The following NAALAD2 variants were observed in gnomAD, a reference collection of about 807,000 sequenced individuals.
The protein encoded by NAALAD2 is N-acetylated alpha-linked acidic dipeptidase 2.
NAALAD2 carries 89 observed loss-of-function variants against 95.6 expected under a neutral mutation model. The ratio of observed to expected loss-of-function variants is 0.93; its 90% CI spans 0.78 to 1.11. NAALAD2 has a LOEUF of 1.11. Ranked by LOEUF, NAALAD2 falls within the 50% of genes least tolerant of loss-of-function variation. NAALAD2 has a pLI of 0.00. For synonymous variants in NAALAD2, 264 were observed against 294.4 expected, an observed-to-expected ratio of 0.90 and a Z score of 1.06; for missense variants, 894 against 872.4, an observed-to-expected ratio of 1.02 and a Z score of -0.31.
intron 16 of NAALAD2, among the ~76,000 whole-genome samples, chr11:90,181,162 C>T (rs1014804729): frequency 6.6e-6 from 1 of 152,052 alleles, no homozygotes; most frequent in African/African-American, 2.4e-5. Flanking sequence ...TTCTCAGTAT[C>T]TGGTTATATC....
chr11:90,169,507 C>CA (rs540978451), intron 12 of NAALAD2: 2,918 of 109,922 alleles, frequency 0.027, 34 homozygotes, highest in African/African-American at 0.033. Context: ...CCCTGACTCT[C>CA]AAAAAAAAAA....
chr11:90,136,475 C>A (rs192436853), intron 2 of NAALAD2, among the ~76,000 whole-genome samples: 236 of 152,226 alleles, frequency 1.6e-3, no homozygotes, highest in Non-Finnish European at 2.2e-3. Context: ...CAATCACTAA[C>A]CAATTTTATA....
intron 7 of NAALAD2, 151 bp downstream of exon 7, chr11:90,158,389 T>C (rs796317839): frequency 3.6e-6 from 2 of 561,934 alleles, no homozygotes; most frequent in African/African-American, 3.9e-5. Context: ...ACTATCTTTT[T>C]ATTTCATAAA....
chr11:90,148,042 T>C (rs2134857026), intron 3 of NAALAD2, among the ~76,000 whole-genome samples: 1 of 152,294 alleles, frequency 6.6e-6, no homozygotes, highest in East Asian at 1.9e-4. Context: ...GTAAATATGT[T>C]CTGGGAACAG....
chr11:90,172,189 G>A (rs895321113), intron 13 of NAALAD2, among the ~76,000 whole-genome samples: 1 of 152,216 alleles, frequency 6.6e-6, no homozygotes, highest in Admixed American at 6.5e-5. Context: ...GCAGAGTAGA[G>A]AGTAGAACCC....
chr11:90,172,394 A>G (rs914480115), intron 13 of NAALAD2, among the ~76,000 whole-genome samples: 2 of 152,264 alleles, frequency 1.3e-5, no homozygotes, highest in East Asian at 3.9e-4. Context: ...TGGATTCACC[A>G]CTGTTACCTT....
In NAALAD2 at chr11:90,154,796, C is replaced by CAT. The variant is rs199841981; in HGVS notation, c.796+2323_796+2324dup. Among the ~76,000 whole-genome samples the CAT allele has an allele frequency of 1.4e-3, 210 of 145,604 alleles. 1 individual carries two copies. The highest frequency in any genetic ancestry group is 5.0e-3 in the African/African-American group (196 of 39,524). ...CTGTTTTTCACTACAAATTGAATTT[C>CAT]ATATATATATATGTAATATATGTAA... On this transcript the variant is annotated intron_variant, in intron 6 of 18. Transcript: ENST00000534061.
chr11:90,174,456 T>C (rs1952729562), intron 14 of NAALAD2, among the ~76,000 whole-genome samples: 1 of 152,192 alleles, frequency 6.6e-6, no homozygotes, highest in South Asian at 2.1e-4. Context: ...GCCAAAATAG[T>C]TTCGCTACAT....
At chr11:90,152,916 G>A (rs968535751) in intron 6 of NAALAD2, among the ~76,000 whole-genome samples, 2 of 151,958 alleles carry the variant, frequency 1.3e-5, no homozygotes, top group Non-Finnish European at 2.9e-5. Flanking sequence ...ACATAAAATT[G>A]GAAGTTTTAC....
chr11:90,167,200 G>A (rs554239122), intron 11 of NAALAD2, among the ~76,000 whole-genome samples: 3 of 152,280 alleles, frequency 2.0e-5, no homozygotes, highest in South Asian at 2.1e-4. Flanking sequence ...GGGAAGGAGC[G>A]GGCGGGAACC....
chr11:90,175,054 TGC>T (rs1420232254), intron 14 of NAALAD2, among the ~76,000 whole-genome samples: 31 of 152,320 alleles, frequency 2.0e-4, no homozygotes, highest in African/African-American at 7.5e-4. Flanking sequence ...GATATCTCAC[TGC>T]ATATATGTAA....
chr11:90,133,261 C>A (rs547745375), upstream of NAALAD2, among the ~76,000 whole-genome samples: 2 of 152,236 alleles, frequency 1.3e-5, 1 homozygote, highest in Admixed American at 1.3e-4. Context: ...TGGTTAGATA[C>A]GTGAAGCCAA....
intron 11 of NAALAD2, among the ~76,000 whole-genome samples, chr11:90,165,285 G>A (rs1458465191): frequency 6.6e-6 from 1 of 152,116 alleles, no homozygotes; most frequent in African/African-American, 2.4e-5. Context: ...GAACATATGT[G>A]TGTATGTGTC....
At chr11:90,189,624 C>T (rs1290006634) in intron 18 of NAALAD2, among the ~76,000 whole-genome samples, 3 of 151,984 alleles carry the variant, frequency 2.0e-5, no homozygotes, top group East Asian at 3.9e-4. Flanking sequence ...CAAAAATTAG[C>T]CAGGCGTGGT....
chr11:90,147,009 C>T (rs1414875124), intron 2 of NAALAD2, among the ~76,000 whole-genome samples: 1 of 151,968 alleles, frequency 6.6e-6, no homozygotes, highest in Non-Finnish European at 1.5e-5. Context: ...TGTTCTCTGA[C>T]AAACAGCAAA....
At chr11:90,169,072 C>A in intron 12 of NAALAD2, 80 bp downstream of exon 12, 1 of 940,790 alleles carries the variant, frequency 1.1e-6, no homozygotes, top group Non-Finnish European at 1.7e-6. Context: ...GAGTAGAATA[C>A]CATCTACTAA....
At chr11:90,179,001 T>C (rs991175792) in intron 16 of NAALAD2, among the ~76,000 whole-genome samples, 1 of 152,204 alleles carries the variant, frequency 6.6e-6, no homozygotes, top group Non-Finnish European at 1.5e-5. Flanking sequence ...GATACTAGCT[T>C]TACCAGTTCT....
At position 90,149,047 on chromosome 11, in the gene NAALAD2, T is replaced by C. The variant is rs758480367; in HGVS notation, c.423T>C (p.Tyr141=). 1 of 1,607,722 alleles carries C rather than the reference T, an allele frequency of 6.2e-7. No individual in the cohort carries two copies. The highest frequency in any genetic ancestry group is 2.2e-5 in the East Asian group (1 of 44,552). The part of the protein sequence containing the change: ...TSYLEPPPDG[Y]ENVTNIVPPY... Reference sequence around the variant, plus strand: ...ACCTTGAACCACCACCAGATGGCTATGAGAATGTTACAAATATTGTGCCAC... The same window carrying C: ...ACCTTGAACCACCACCAGATGGCTACGAGAATGTTACAAATATTGTGCCAC... Residue 141 remains tyrosine (Y), a synonymous_variant, in exon 4 of 19, where the codon TAT becomes TAC. Coordinates refer to ENST00000534061, the MANE Select transcript of NAALAD2 (RefSeq NM_005467.4).
chr11:90,190,772 A>G (rs893568090), intron 18 of NAALAD2, among the ~76,000 whole-genome samples: 1 of 148,556 alleles, frequency 6.7e-6, no homozygotes, highest in Non-Finnish European at 1.5e-5. Context: ...TAGATTTGTC[A>G]TTAATCATTA....
Sources: allele counts gnomAD v4.1 joint callset (sites outside exome capture counted in the v4.1 genomes callset), GRCh38; gene constraint gnomAD v4.1.1; transcripts MANE v1.5; gene names NCBI Gene and HGNC (gene_info 2026-07-23, HGNC 2026-07-21).